BRD9: variants seen among roughly 807,000 people sequenced by gnomAD.
The protein encoded by BRD9 is bromodomain containing 9.
Under a neutral mutation model 68.7 loss-of-function variants are expected in BRD9, and 47 were observed. The ratio of observed to expected loss-of-function variants is 0.68; its 90% CI spans 0.54 to 0.87. The LOEUF (loss-of-function observed/expected upper bound fraction) is 0.87. Among genes scored for constraint, BRD9 ranks in the 40% least tolerant of loss-of-function variants. The pLI, the probability that BRD9 is intolerant of heterozygous loss-of-function variation, is 0.00. For synonymous variants in BRD9, 313 were observed against 293.9 expected (o/e 1.06, Z -0.67); for missense variants, 670 against 748.4 (o/e 0.90, Z 1.22).
At chr5:877,946 C>A (rs1751203888) in intron 11 of BRD9, among the ~76,000 whole-genome samples, 1 of 152,200 alleles carries the variant, frequency 6.6e-6, no homozygotes, top group Non-Finnish European at 1.5e-5. Flanking sequence ...ACGGCACCTG[C>A]AGGCCCAGGA....
At chr5:875,315 A>G (rs954884486) in intron 12 of BRD9, among the ~76,000 whole-genome samples, 1 of 151,254 alleles carries the variant, frequency 6.6e-6, no homozygotes, top group African/African-American at 2.4e-5. Flanking sequence ...GACACGTCAC[A>G]TGTGGGAAAC....
In BRD9 at chr5:881,144, G is replaced by T; in HGVS notation, c.1005C>A (p.Leu335=). Residue 335 remains leucine (L), a synonymous_variant, in exon 9 of 16, where the codon CTC becomes CTA. Transcript: ENST00000467963. ...GCTCGGCCGTGTTGACCACGCTGTA[G>T]AGCAGGCTCCCGTCCCCGTTCCTCT... ...YLKRNGDGSL[L]YSVVNTAEPD... 6.2e-7 allele frequency: 1 copy of T among 1,614,098 alleles called. No homozygotes were observed. Among genetic ancestry groups the T allele is most frequent in the Non-Finnish European group, 8.5e-7 (1 of 1,180,034 alleles).
At position 870,852 on chromosome 5, in the gene BRD9, T is replaced by C. The variant is rs138214983; in HGVS notation, c.1423-277A>G. ...TGTTAACTTTTTGGGGCTAAAGAAATTGGGGAGGGACATTATGCAACAGGA... is the reference window on the plus strand; with the variant it reads ...TGTTAACTTTTTGGGGCTAAAGAAACTGGGGAGGGACATTATGCAACAGGA... On this transcript the variant is annotated intron_variant, in intron 13 of 15. Coordinates refer to ENST00000467963, the MANE Select transcript of BRD9 (RefSeq NM_023924.5). 2.1e-3 allele frequency among the ~76,000 whole-genome samples: 318 copies of C among 152,198 alleles called. 2 individuals are homozygous for C. The highest frequency in any genetic ancestry group is 7.3e-3 in the African/African-American group (303 of 41,508).
chr5:890,171 C>G (rs927314318), intron 3 of BRD9: 2 of 186,482 alleles, frequency 1.1e-5, no homozygotes, highest in Admixed American at 1.1e-4. Context: ...CCAGCCTAGG[C>G]GACACAGCAA....
In BRD9 at chr5:892,793, G is replaced by A. The variant is rs530461683; in HGVS notation, c.-136C>T. ...GAGGTTGCCGAGCTCGCTGGGCCGC[G>A]CCGGAAACGGGGCGAGGCGGGGCCG... On this transcript the variant is annotated 5_prime_UTR_variant, in exon 1 of 16. Coordinates refer to ENST00000467963, the MANE Select transcript of BRD9 (RefSeq NM_023924.5). 6.8e-6 allele frequency: 7 copies of A among 1,030,572 alleles called. No individual in the cohort carries two copies. Among genetic ancestry groups the A allele is most frequent in the Non-Finnish European group, 6.2e-6 (5 of 808,702 alleles). The allele number at this position is 1,030,572 out of a possible 1,614,324, so 63.8% of individuals were successfully genotyped here.
At chr5:876,249 C>T (rs189384399) in intron 11 of BRD9, 37 bp from the exon 12 acceptor site, 115 of 1,537,284 alleles carry the variant, frequency 7.5e-5, no homozygotes, top group Non-Finnish European at 9.8e-5. Flanking sequence ...CTGAAAGGAG[C>T]CCTTGTCGCC....
chr5:891,103 T>G, intron 3 of BRD9, 52 bp downstream of exon 3: 1 of 1,493,488 alleles, frequency 6.7e-7, no homozygotes, highest in Middle Eastern at 1.7e-4. Flanking sequence ...GACCCCTCAT[T>G]TACAACGATG....
At chr5:876,713 G>C (rs1215658147) in intron 11 of BRD9, among the ~76,000 whole-genome samples, 1 of 152,192 alleles carries the variant, frequency 6.6e-6, no homozygotes, top group African/African-American at 2.4e-5. Flanking sequence ...AAGTAGGCCA[G>C]GAACAAAAAT....
intron 5 of BRD9, 99 bp downstream of exon 5, chr5:888,922 G>A: frequency 7.7e-7 from 1 of 1,290,494 alleles, no homozygotes; most frequent in Non-Finnish European, 1.1e-6. Flanking sequence ...ACCTGTGAAA[G>A]CTCAAAAACT....
chr5:874,891 C>T lies in BRD9; in HGVS notation c.1383+1210G>A, dbSNP rs377695736. On this transcript the variant is annotated intron_variant, in intron 12 of 15. Coordinates refer to ENST00000467963, the MANE Select transcript of BRD9 (RefSeq NM_023924.5). ...ACAGTGTCGGTGCCATGTGAGATAA[C>T]ACGAGCTGTCCTCAGAGTGCCACAG... is the stretch of plus-strand genomic sequence containing the variant. Among the ~76,000 whole-genome samples, 129 of 152,322 alleles carry T rather than the reference C, an allele frequency of 8.5e-4. 2 individuals carry two copies. In the South Asian group the frequency reaches 0.025, roughly 29 times the overall value.
intron 6 of BRD9, among the ~76,000 whole-genome samples, chr5:887,068 A>G (rs979355880): frequency 6.6e-6 from 1 of 152,268 alleles, no homozygotes; most frequent in African/African-American, 2.4e-5. Context: ...TCAGTGAGGC[A>G]GTCACGCAAA....
At chr5:870,351 TA>T in intron 14 of BRD9, 121 bp downstream of exon 14, 1 of 749,798 alleles carries the variant, frequency 1.3e-6, no homozygotes, top group Non-Finnish European at 2.2e-6. Context: ...CCAAATACCG[TA>T]ACAAAAGATT....
chr5:878,338 C>T lies in BRD9; in HGVS notation c.1271+17G>A, dbSNP rs769963721. 6.2e-7 allele frequency: 1 copy of T among 1,612,546 alleles called. No homozygotes were observed. The highest frequency in any genetic ancestry group is 2.2e-5 in the East Asian group (1 of 44,876). ...AAGCTGCACAGCAGCCAAGGGCTCC[C>T]CGGGGCCGACACTTGCCTCAGCGCA... On this transcript the variant is annotated intron_variant, in intron 11 of 15. Transcript: ENST00000467963.
intron 3 of BRD9, among the ~76,000 whole-genome samples, chr5:890,820 A>G (rs1366903560): frequency 2.0e-5 from 3 of 152,084 alleles, no homozygotes; most frequent in Admixed American, 6.5e-5. Flanking sequence ...CAGACAAAAA[A>G]CAGTCTAGGC....
chr5:886,522 A>G, intron 7 of BRD9, 70 bp downstream of exon 7: 2 of 1,428,840 alleles, frequency 1.4e-6, no homozygotes, highest in South Asian at 2.5e-5. Context: ...ACTCTCCCCT[A>G]CAAGGCACCT....
chr5:870,585 C>T lies in BRD9; in HGVS notation c.1423-10G>A. On this transcript the variant is annotated splice_polypyrimidine_tract_variant and intron_variant, in intron 13 of 15. Coordinates refer to ENST00000467963, the MANE Select transcript of BRD9 (RefSeq NM_023924.5). The stretch of plus-strand genomic sequence containing the variant: ...CTAGGGTGTCCCCAACCTGTGGAGA[C>T]AGACACACATCAAGAGCAATTCAAA... 6.3e-7 allele frequency: 1 copy of T among 1,591,116 alleles called. No individual in the cohort carries two copies. Among genetic ancestry groups the T allele is most frequent in the South Asian group, 1.1e-5 (1 of 90,128 alleles).
chr5:889,854 A>C (rs1200970132), intron 3 of BRD9: 2 of 1,095,556 alleles, frequency 1.8e-6, no homozygotes, highest in African/African-American at 1.6e-5. Context: ...AGGAGTCATA[A>C]AAATCTCTTG....
intron 9 of BRD9, among the ~76,000 whole-genome samples, chr5:880,866 C>T (rs909146061): frequency 2.6e-5 from 4 of 152,224 alleles, no homozygotes; most frequent in African/African-American, 4.8e-5. Context: ...GAACATGGCT[C>T]GAGTCCCGCT....
chr5:891,535 C>CT, intron 2 of BRD9, 105 bp downstream of exon 2: 1 of 1,469,382 alleles, frequency 6.8e-7, no homozygotes, highest in East Asian at 2.5e-5. Flanking sequence ...GGAACACCCC[C>CT]TCCCCTCCTC....
Sources: gnomAD v4.1 joint callset for allele counts (sites outside exome capture counted in the v4.1 genomes callset) on GRCh38, gnomAD v4.1.1 for gene constraint, MANE v1.5 for transcripts, NCBI Gene and HGNC (gene_info 2026-07-23, HGNC 2026-07-21) for gene names.